STK3: variants seen among roughly 807,000 people sequenced by gnomAD.
The protein encoded by STK3 is serine/threonine kinase 3, also known as serine/threonine-protein kinase 3.
Under a neutral mutation model 58.0 loss-of-function variants are expected in STK3, and 41 were observed. That is an observed-to-expected ratio of 0.71 (90% CI 0.55 to 0.92). The LOEUF (loss-of-function observed/expected upper bound fraction) is 0.92. Ranked by LOEUF, STK3 falls within the 40% of genes least tolerant of loss-of-function variation. The pLI, the probability that STK3 is intolerant of heterozygous loss-of-function variation, is 0.00. For missense variants in STK3, 479 were observed against 602.7 expected (o/e 0.79, Z 2.15); for synonymous variants, 170 against 191.0 (o/e 0.89, Z 0.91).
the STK3 span, among the ~76,000 whole-genome samples, chr8:98,346,255 G>A: frequency 3.9e-4 from 59 of 149,454 alleles, 1 homozygote; most frequent in Middle Eastern, 0.017. Context: ...ATTGCACTTC[G>A]GCCTGGGTGA....
At chr8:98,623,098 A>G (rs1027292561) in intron 6 of STK3, among the ~76,000 whole-genome samples, 1 of 152,144 alleles carries the variant, frequency 6.6e-6, no homozygotes, top group African/African-American at 2.4e-5. Flanking sequence ...ATAGAGGTTG[A>G]GAGATTGGAC....
At chr8:98,724,260 A>T (rs1046373689) in intron 4 of STK3, among the ~76,000 whole-genome samples, 5 of 152,176 alleles carry the variant, frequency 3.3e-5, no homozygotes, top group African/African-American at 1.2e-4. Flanking sequence ...GCCTTGAATG[A>T]TACAATTCCT....
intron 4 of STK3, among the ~76,000 whole-genome samples, chr8:98,713,103 C>T (rs1485713673): frequency 1.3e-5 from 2 of 152,250 alleles, no homozygotes; most frequent in East Asian, 1.9e-4. Flanking sequence ...AAAGACACAA[C>T]ATACCAGAAT....
At chr8:98,828,258 G>A (rs1200958070), upstream of STK3, among the ~76,000 whole-genome samples, 1 of 151,842 alleles carries the variant, frequency 6.6e-6, no homozygotes, top group Non-Finnish European at 1.5e-5. Flanking sequence ...TTACAGGCAT[G>A]AGCCACTATG....
chr8:98,408,572 C>T (rs1818022542), intron 3 of STK3, among the ~76,000 whole-genome samples: 2 of 152,164 alleles, frequency 1.3e-5, no homozygotes, highest in East Asian at 1.9e-4. Flanking sequence ...CTCTGCTGGG[C>T]TTAAGGGAAG....
intron 2 of STK3, among the ~76,000 whole-genome samples, chr8:98,378,818 C>G (rs1817702296): frequency 6.6e-6 from 1 of 152,340 alleles, no homozygotes; most frequent in South Asian, 2.1e-4. Flanking sequence ...AAACACAACT[C>G]TCCACATGGC....
chr8:98,787,379 G>A (rs1379790628), intron 1 of STK3, among the ~76,000 whole-genome samples: 1 of 151,518 alleles, frequency 6.6e-6, no homozygotes, highest in African/African-American at 2.4e-5. Flanking sequence ...ATCCAACAAA[G>A]ACAAAGGAAA....
rs186584390 is a variant in STK3, at chr8:98,567,428, G to A, written c.948+12236C>T. 3.6e-3 allele frequency among the ~76,000 whole-genome samples: 553 copies of A among 152,182 alleles called. 2 individuals carry two copies. The highest frequency in any genetic ancestry group is 4.9e-3 in the Non-Finnish European group (331 of 67,984). On this transcript the variant is annotated intron_variant, in intron 8 of 10. Transcript: ENST00000419617. ...GCTCAGGCTGGTCTTGAACTCCTGAGCTTAAGCTATCCACCTGCCTTGGCC... is the reference window on the plus strand; with the variant it reads ...GCTCAGGCTGGTCTTGAACTCCTGAACTTAAGCTATCCACCTGCCTTGGCC...
chr8:98,428,749 A>G lies in STK3; in HGVS notation n.483+5378T>C. On this transcript the variant is annotated intron_variant and non_coding_transcript_variant, in intron 3 of 3. Coordinates refer to the STK3 transcript ENST00000517832. The surrounding 1 kb of genome is among the most constrained non-coding windows in gnomAD (Gnocchi z 6.7). ...GCCCCTGACTTCCTCAAGTTCTTCA[A>G]GAATGCCCTAAACCTTATTGACCTC... The G allele has an allele frequency of 6.2e-7, 1 of 1,614,228 alleles. No homozygotes were observed. Among genetic ancestry groups the G allele is most frequent in the Non-Finnish European group, 8.5e-7 (1 of 1,180,042 alleles).
intron 6 of STK3, among the ~76,000 whole-genome samples, chr8:98,623,951 C>G (rs540732800): frequency 6.6e-6 from 1 of 152,312 alleles, no homozygotes; most frequent in South Asian, 2.1e-4. Flanking sequence ...ATCACCCAGT[C>G]TTTAGCATTT....
chr8:98,473,639 T>C (rs867152230), intron 10 of STK3, among the ~76,000 whole-genome samples: 3 of 152,338 alleles, frequency 2.0e-5, no homozygotes, highest in Middle Eastern at 3.4e-3. Context: ...CAAAGTTAAA[T>C]GAATTCTTTT....
At chr8:98,822,744 G>A (rs1022228945) in intron 1 of STK3, among the ~76,000 whole-genome samples, 7 of 152,258 alleles carry the variant, frequency 4.6e-5, no homozygotes, top group Non-Finnish European at 8.8e-5. Context: ...AAAGAACAAC[G>A]GGGGCCAGGC....
intron 1 of STK3, among the ~76,000 whole-genome samples, chr8:98,811,280 A>G (rs1399631829): frequency 6.6e-6 from 1 of 152,196 alleles, no homozygotes; most frequent in Non-Finnish European, 1.5e-5. Flanking sequence ...TGTAACTGTC[A>G]ATCTCTTTTT....
At chr8:98,368,262 G>A (rs1015952245), downstream of STK3, among the ~76,000 whole-genome samples, 4 of 152,306 alleles carry the variant, frequency 2.6e-5, no homozygotes, top group Non-Finnish European at 5.9e-5. Flanking sequence ...ATGGAGGCAG[G>A]TGCTCACTGC....
intron 3 of STK3, among the ~76,000 whole-genome samples, chr8:98,833,084 G>A (rs1835599639): frequency 6.6e-6 from 1 of 152,170 alleles, no homozygotes; most frequent in Admixed American, 6.5e-5. Flanking sequence ...GAGAATACGT[G>A]CCCAAGGTGG....
downstream of STK3, among the ~76,000 whole-genome samples, chr8:98,450,418 A>G (rs1256818091): frequency 2.0e-5 from 3 of 152,202 alleles, no homozygotes; most frequent in African/African-American, 7.2e-5. Flanking sequence ...GATCTTCCCA[A>G]TTGCTGTATT....
intron 6 of STK3, chr8:98,651,341 T>G (rs989645736): frequency 6.6e-6 from 1 of 152,164 alleles, no homozygotes; most frequent in African/African-American, 2.4e-5. Flanking sequence ...AACCCATCTC[T>G]ACATCACCAT....
chr8:98,435,040 C>G (rs1468327382), intron 2 of STK3, among the ~76,000 whole-genome samples: 1 of 152,220 alleles, frequency 6.6e-6, no homozygotes, highest in Non-Finnish European at 1.5e-5. Context: ...GACTGGCCCC[C>G]ATCCCTGCTT....
intron 6 of STK3, among the ~76,000 whole-genome samples, chr8:98,696,241 T>G (rs1389420503): frequency 6.6e-6 from 1 of 152,234 alleles, no homozygotes; most frequent in Non-Finnish European, 1.5e-5. Flanking sequence ...GTTTATCAGC[T>G]AAGGGAGATT....
Sources: allele counts gnomAD v4.1 joint callset (sites outside exome capture counted in the v4.1 genomes callset), GRCh38; gene constraint gnomAD v4.1.1; non-coding constraint Gnocchi (gnomAD v3.1); transcripts MANE v1.5; gene names NCBI Gene and HGNC (gene_info 2026-07-23, HGNC 2026-07-21).